Variants in NALF1 observed in about 807,000 individuals in gnomAD.
NALF1 encodes the protein family with sequence similarity 155 member A.
NALF1 carries 3 observed loss-of-function variants against 48.4 expected under a neutral mutation model. The observed-to-expected ratio is 0.06, with a 90% CI of 0.03 to 0.16. The LOEUF (loss-of-function observed/expected upper bound fraction) is 0.16, where lower values mean the gene tolerates loss of function less well. NALF1 is among the 10% of genes least tolerant of loss of function. The pLI is 1.00. For missense variants in NALF1, 526 were observed against 571.5 expected, an observed-to-expected ratio of 0.92 and a Z score of 0.81; for synonymous variants, 262 against 245.7, an observed-to-expected ratio of 1.07 and a Z score of -0.62.
chr13:107,537,809 G>A (rs1876878090), intron 1 of NALF1, among the ~76,000 whole-genome samples: 2 of 152,188 alleles, frequency 1.3e-5, no homozygotes, highest in South Asian at 2.1e-4. Context: ...CTTGAGGTCA[G>A]GAGTTCAAGA....
intron 1 of NALF1, among the ~76,000 whole-genome samples, chr13:107,506,297 G>A (rs1037518514): frequency 1.3e-5 from 2 of 152,046 alleles, no homozygotes; most frequent in African/African-American, 4.8e-5. Context: ...TTTCCCTGAA[G>A]TCAAGCTACC....
intron 1 of NALF1, among the ~76,000 whole-genome samples, chr13:107,386,865 AGAACAAAGTTGTCTTTTAAGT>A (rs746229615): frequency 0.018 from 2,696 of 152,324 alleles, 38 homozygotes; most frequent in Middle Eastern, 0.041. Context: ...GAAAAGGGTG[AGAACAAAGTTGTCTTTTAAGT>A]AAAAGTGACA....
chr13:107,521,462 G>A (rs1876234827), intron 1 of NALF1, among the ~76,000 whole-genome samples: 1 of 152,062 alleles, frequency 6.6e-6, no homozygotes. Flanking sequence ...TCCAAGTCCT[G>A]ATAAAATGTT....
chr13:107,178,446 TGAA>T (rs1377039416), intron 2 of NALF1, among the ~76,000 whole-genome samples: 1 of 152,186 alleles, frequency 6.6e-6, no homozygotes, highest in Non-Finnish European at 1.5e-5. Flanking sequence ...AACAGGTATA[TGAA>T]GAAGTGCTCA....
intron 1 of NALF1, among the ~76,000 whole-genome samples, chr13:107,628,397 A>G (rs1879742653): frequency 6.6e-6 from 1 of 152,046 alleles, no homozygotes; most frequent in South Asian, 2.1e-4. Context: ...TCACTAGGGT[A>G]CCCCTTTATC....
At chr13:107,589,329 C>A (rs1475674409) in intron 1 of NALF1, among the ~76,000 whole-genome samples, 2 of 151,902 alleles carry the variant, frequency 1.3e-5, no homozygotes, top group African/African-American at 2.4e-5. Flanking sequence ...AAAGCAAATT[C>A]CAAGTGTCTA....
At chr13:107,852,809 T>C (rs1880351032) in intron 1 of NALF1, among the ~76,000 whole-genome samples, 1 of 152,140 alleles carries the variant, frequency 6.6e-6, no homozygotes, top group African/African-American at 2.4e-5. Context: ...ATAGAAAAAG[T>C]ATAGGTTCAG....
intron 1 of NALF1, among the ~76,000 whole-genome samples, chr13:107,452,740 G>A (rs1594070907): frequency 6.6e-6 from 1 of 152,162 alleles, no homozygotes; most frequent in East Asian, 1.9e-4. Flanking sequence ...TAATCCAAAA[G>A]TCCAACTTTA....
At chr13:107,247,581 G>A (rs905129803) in intron 1 of NALF1, among the ~76,000 whole-genome samples, 6 of 152,150 alleles carry the variant, frequency 3.9e-5, no homozygotes, top group South Asian at 2.1e-4. Context: ...AATATTATAC[G>A]CTGAGGTTAC....
intron 1 of NALF1, among the ~76,000 whole-genome samples, chr13:107,212,086 C>T (rs1043409484): frequency 2.0e-5 from 3 of 152,164 alleles, no homozygotes; most frequent in African/African-American, 7.2e-5. Flanking sequence ...AGGGAGTTTG[C>T]AGATGAACCT....
chr13:107,381,312 A>G (rs1883435439), intron 1 of NALF1, among the ~76,000 whole-genome samples: 1 of 151,124 alleles, frequency 6.6e-6, no homozygotes, highest in Non-Finnish European at 1.5e-5. Context: ...GCGATCCTGC[A>G]GCCTCAATGT....
intron 1 of NALF1, among the ~76,000 whole-genome samples, chr13:107,716,268 T>A (rs1395337556): frequency 6.6e-6 from 1 of 152,182 alleles, no homozygotes; most frequent in African/African-American, 2.4e-5. Context: ...AAAGAGAACT[T>A]TCAACCACTC....
At chr13:107,855,502 C>A (rs1488646089) in intron 1 of NALF1, among the ~76,000 whole-genome samples, 1 of 152,210 alleles carries the variant, frequency 6.6e-6, no homozygotes, top group African/African-American at 2.4e-5. Flanking sequence ...CAACAACACA[C>A]ATTCTGGATG....
rs549441796 is a variant in NALF1, at chr13:107,362,102, C to T, written c.916-151347G>A. Among the ~76,000 whole-genome samples the T allele has an allele frequency of 6.6e-6, 1 of 152,110 alleles. No individual in the cohort carries two copies. The highest frequency in any genetic ancestry group is 1.5e-5 in the Non-Finnish European group (1 of 68,014). On this transcript the variant is annotated intron_variant, in intron 1 of 2. Coordinates refer to ENST00000375915, the MANE Select transcript of NALF1 (RefSeq NM_001080396.3). The surrounding 1 kb of genome is among the most constrained non-coding windows in gnomAD (Gnocchi z 4.6). Reference sequence around the variant, plus strand: ...TAGGTAGAGATGGGGGAATTCAACTCTTATTTTCTTAAGCTACTGAAATTT... The same window carrying T: ...TAGGTAGAGATGGGGGAATTCAACTTTTATTTTCTTAAGCTACTGAAATTT...
At chr13:107,687,644 T>A (rs1881468233) in intron 1 of NALF1, among the ~76,000 whole-genome samples, 1 of 152,198 alleles carries the variant, frequency 6.6e-6, no homozygotes, top group Admixed American at 6.5e-5. Context: ...TTTACCTACT[T>A]TAGCAAAACG....
At chr13:107,757,917 A>C (rs911155337) in intron 1 of NALF1, among the ~76,000 whole-genome samples, 3 of 152,194 alleles carry the variant, frequency 2.0e-5, no homozygotes, top group African/African-American at 7.2e-5. Flanking sequence ...AAAATTATCA[A>C]TAAGCTTTTA....
intron 1 of NALF1, among the ~76,000 whole-genome samples, chr13:107,463,511 T>G (rs1884952972): frequency 6.6e-6 from 1 of 152,206 alleles, no homozygotes; most frequent in African/African-American, 2.4e-5. Context: ...ACAGGTATAT[T>G]GAGTAAGAGA....
intron 1 of NALF1, among the ~76,000 whole-genome samples, chr13:107,435,830 C>T (rs1884455801): frequency 6.6e-6 from 1 of 152,084 alleles, no homozygotes; most frequent in African/African-American, 2.4e-5. Flanking sequence ...AACAGAACAA[C>T]CATCTGACAA....
intron 1 of NALF1, among the ~76,000 whole-genome samples, chr13:107,583,809 C>A (rs893496593): frequency 2.6e-5 from 4 of 152,114 alleles, no homozygotes; most frequent in African/African-American, 9.7e-5. Context: ...GAGTTACTGT[C>A]TAGCAAAATA....
Sources: gnomAD v4.1 joint callset for allele counts (sites outside exome capture counted in the v4.1 genomes callset) on GRCh38, gnomAD v4.1.1 for gene constraint, Gnocchi (gnomAD v3.1) non-coding constraint, MANE v1.5 for transcripts, NCBI Gene and HGNC (gene_info 2026-07-23, HGNC 2026-07-21) for gene names.